The following MYLK variants were observed in gnomAD, a reference collection of about 807,000 sequenced individuals.
MYLK encodes the protein myosin light chain kinase, smooth muscle.
In MYLK, 106 loss-of-function variants were observed where a neutral mutation model predicts 203.4. The ratio of observed to expected loss-of-function variants is 0.52; its 90% CI spans 0.45 to 0.61. The LOEUF is 0.61. Ranked by LOEUF, MYLK falls within the 20% of genes least tolerant of loss-of-function variation. The pLI, the probability that MYLK is intolerant of heterozygous loss-of-function variation, is 0.00. For synonymous variants in MYLK, 867 were observed against 959.5 expected (o/e 0.90, Z 1.78); for missense variants, 2,072 against 2,442.3 (o/e 0.85, Z 3.20).
intron 4 of MYLK, among the ~76,000 whole-genome samples, chr3:123,775,920 C>T (rs1160142201): frequency 6.6e-6 from 1 of 152,166 alleles, no homozygotes; most frequent in African/African-American, 2.4e-5. Context: ...ATGGTAGGCA[C>T]TGAGGTCTCC....
At chr3:123,868,386 A>C (rs1321705814) in intron 2 of MYLK, among the ~76,000 whole-genome samples, 3 of 152,250 alleles carry the variant, frequency 2.0e-5, no homozygotes. Context: ...GTGGAATTAA[A>C]AACTGAAAAC....
intron 3 of MYLK, among the ~76,000 whole-genome samples, chr3:123,801,775 T>C (rs146664334): frequency 9.0e-4 from 137 of 152,356 alleles, no homozygotes; most frequent in African/African-American, 3.1e-3. Context: ...TTTTTATGGC[T>C]GCATAATAGT....
At chr3:123,669,826 G>T (rs1361988583) in intron 20 of MYLK, among the ~76,000 whole-genome samples, 2 of 152,002 alleles carry the variant, frequency 1.3e-5, no homozygotes, top group African/African-American at 2.4e-5. Flanking sequence ...CCAGAAGTCG[G>T]AAGTTTGAGA....
Position 123,875,909 on chromosome 3 carries a change from T to G in MYLK, c.-127+650A>C, listed in dbSNP as rs549099153. 7.3e-4 allele frequency among the ~76,000 whole-genome samples: 111 copies of G among 152,322 alleles called. 1 individual carries two copies. The highest frequency in any genetic ancestry group is 2.5e-3 in the African/African-American group (105 of 41,574). ...ATTTATTTTTTTCAAAGTTTCCAGT[T>G]AACTTTTAGAAAAAGATATCTAACT... On this transcript the variant is annotated intron_variant, in intron 2 of 33. Coordinates refer to ENST00000360304, the MANE Select transcript of MYLK (RefSeq NM_053025.4).
chr3:123,778,847 G>T (rs1478848143), intron 4 of MYLK, among the ~76,000 whole-genome samples: 1 of 152,196 alleles, frequency 6.6e-6, no homozygotes, highest in Non-Finnish European at 1.5e-5. Context: ...GTCTGGGTAG[G>T]ACCCTGCAGG....
At chr3:123,615,969 A>ATAGT (rs1223435880) in intron 33 of MYLK, among the ~76,000 whole-genome samples, 1 of 152,226 alleles carries the variant, frequency 6.6e-6, no homozygotes, top group Non-Finnish European at 1.5e-5. Context: ...ATTTTGTATA[A>ATAGT]TAGTTTAAGT....
At chr3:123,637,734 G>A (rs79255216) in intron 29 of MYLK, among the ~76,000 whole-genome samples, 4 of 152,172 alleles carry the variant, frequency 2.6e-5, no homozygotes, top group African/African-American at 4.8e-5. Flanking sequence ...ACCCACACAA[G>A]TGAGGTTTTA....
intron 4 of MYLK, among the ~76,000 whole-genome samples, chr3:123,766,242 T>G (rs532075655): frequency 2.0e-5 from 3 of 152,242 alleles, no homozygotes; most frequent in Non-Finnish European, 4.4e-5. Context: ...TTTGAAAATT[T>G]CCAATGAGTT....
intron 4 of MYLK, among the ~76,000 whole-genome samples, chr3:123,786,025 G>A (rs1479638225): frequency 5.3e-5 from 8 of 152,050 alleles, no homozygotes; most frequent in Non-Finnish European, 7.4e-5. Context: ...AGAGTAGGCC[G>A]GGCACAGTGG....
At chr3:123,766,043 C>T (rs895460192) in intron 4 of MYLK, among the ~76,000 whole-genome samples, 1 of 152,122 alleles carries the variant, frequency 6.6e-6, no homozygotes, top group African/African-American at 2.4e-5. Flanking sequence ...GCTGAACTGT[C>T]CACTTAAAAA....
At chr3:123,720,835 T>C (rs2062061155) in intron 13 of MYLK, among the ~76,000 whole-genome samples, 1 of 152,152 alleles carries the variant, frequency 6.6e-6, no homozygotes, top group South Asian at 2.1e-4. Context: ...GCCAGTTCCT[T>C]CATCCCTAAG....
At chr3:123,635,236 T>A (rs1443103285) in intron 29 of MYLK, among the ~76,000 whole-genome samples, 2 of 152,208 alleles carry the variant, frequency 1.3e-5, no homozygotes, top group Non-Finnish European at 2.9e-5. Flanking sequence ...GGCCAGAGGA[T>A]GCCATGAGGG....
At chr3:123,683,550 C>T (rs981203447) in intron 19 of MYLK, among the ~76,000 whole-genome samples, 1 of 152,188 alleles carries the variant, frequency 6.6e-6, no homozygotes, top group African/African-American at 2.4e-5. Context: ...CCCTCGCCTT[C>T]TCCAGAACAT....
chr3:123,793,168 G>A (rs1016625677), intron 4 of MYLK, among the ~76,000 whole-genome samples: 1 of 152,092 alleles, frequency 6.6e-6, no homozygotes, highest in Non-Finnish European at 1.5e-5. Context: ...TCCCAGTAAC[G>A]GCAAGTGACC....
chr3:123,697,486 C>T (rs1235230173), intron 18 of MYLK, among the ~76,000 whole-genome samples: 1 of 152,194 alleles, frequency 6.6e-6, no homozygotes, highest in East Asian at 1.9e-4. Flanking sequence ...TTCTCAGCTG[C>T]CACCAGTACC....
chr3:123,750,813 T>G lies in MYLK; in HGVS notation c.373+1518A>C, dbSNP rs936169. Among the ~76,000 whole-genome samples the G allele has an allele frequency of 3.1e-4, 47 of 152,280 alleles. No homozygotes were observed. The South Asian group carries it at 9.5e-3, about 31-fold the overall frequency. On this transcript the variant is annotated intron_variant, in intron 5 of 33. Transcript: ENST00000360304. ...AGGATGGCAGAGCTGAGGTCCATCC[T>G]GAGGTTCTGAGCAGGGGCCACTTTC... is the stretch of plus-strand genomic sequence containing the variant.
At chr3:123,766,116 TATATAAA>T (rs1489052015) in intron 4 of MYLK, among the ~76,000 whole-genome samples, 1 of 152,250 alleles carries the variant, frequency 6.6e-6, no homozygotes, top group African/African-American at 2.4e-5. Flanking sequence ...AATGAGCCAA[TATATAAA>T]AATCTATTTC....
Position 123,649,202 on chromosome 3 carries a change from G to T in MYLK, c.4289-8C>A, listed in dbSNP as rs1342459709. On this transcript the variant is annotated splice_polypyrimidine_tract_variant and splice_region_variant and intron_variant, in intron 24 of 33. Coordinates refer to ENST00000360304, the MANE Select transcript of MYLK (RefSeq NM_053025.4). ...CCACTTCATCCTTCGGCTCTGGGGG[G>T]GGCACAAGGAAGGACAGAGAGGACA... 4 of 1,612,294 alleles carry T rather than the reference G, an allele frequency of 2.5e-6. No homozygotes were observed. The highest frequency in any genetic ancestry group is 3.4e-6 in the Non-Finnish European group (4 of 1,179,992).
chr3:123,839,944 T>A (rs904132481), intron 2 of MYLK, among the ~76,000 whole-genome samples: 2 of 152,064 alleles, frequency 1.3e-5, no homozygotes, highest in Non-Finnish European at 2.9e-5. Context: ...CATTTCCAAA[T>A]AACTCACAGT....
Sources: allele counts gnomAD v4.1 joint callset (sites outside exome capture counted in the v4.1 genomes callset), GRCh38; gene constraint gnomAD v4.1.1; transcripts MANE v1.5; gene names NCBI Gene and HGNC (gene_info 2026-07-23, HGNC 2026-07-21).